Variants in KCNQ1 observed in about 807,000 individuals in gnomAD.
The protein encoded by KCNQ1 is potassium voltage-gated channel subfamily KQT member 1.
Under a neutral mutation model 72.4 loss-of-function variants are expected in KCNQ1, and 49 were observed. The observed-to-expected ratio is 0.68, with a 90% CI of 0.54 to 0.86. The LOEUF (loss-of-function observed/expected upper bound fraction) is 0.86, where lower values mean the gene tolerates loss of function less well. KCNQ1 is among the 40% of genes least tolerant of loss of function. The pLI is 0.00. For missense variants in KCNQ1, 790 were observed against 945.1 expected, an observed-to-expected ratio of 0.84 and a Z score of 2.15; for synonymous variants, 450 against 412.6, an observed-to-expected ratio of 1.09 and a Z score of -1.10.
At position 2,463,821 on chromosome 11, in the gene KCNQ1, G is replaced by A. The variant is rs999247729; in HGVS notation, c.386+18337G>A. Among the ~76,000 whole-genome samples the A allele has an allele frequency of 5.9e-5, 9 of 152,326 alleles. No individual in the cohort carries two copies. The highest frequency in any genetic ancestry group is 4.1e-4 in the South Asian group (2 of 4,832). On this transcript the variant is annotated intron_variant, in intron 1 of 15. Transcript: ENST00000155840. This position sits in a 1 kb window ranked among gnomAD's most constrained non-coding sequence, Gnocchi z 7.0. Reference sequence around the variant, plus strand: ...CCTGAAGCCGGATGGCCCGGCCCCCGCTACCACGTGGAGGCTCCCTGTAGG... The same window carrying A: ...CCTGAAGCCGGATGGCCCGGCCCCCACTACCACGTGGAGGCTCCCTGTAGG...
In KCNQ1 at chr11:2,477,134, A is replaced by T. The variant is rs1260184181; in HGVS notation, c.386+31650A>T. Among the ~76,000 whole-genome samples the T allele has an allele frequency of 6.6e-6, 1 of 152,208 alleles. No homozygotes were observed. The highest frequency in any genetic ancestry group is 2.4e-5 in the African/African-American group (1 of 41,440). ...CTCAGTATGTGTGAGATGAATCTGA[A>T]CCCTCATCAGAACGTCCACAGCTGA... On this transcript the variant is annotated intron_variant, in intron 1 of 15. Transcript: ENST00000155840. The surrounding 1 kb of genome is among the most constrained non-coding windows in gnomAD (Gnocchi z 5.0).
Position 2,674,832 on chromosome 11 carries a change from TAA to T in KCNQ1, c.1514+12778_1514+12779del, listed in dbSNP as rs34219164. 0.12 allele frequency: 32,554 copies of T among 278,006 alleles called. No individual in the cohort carries two copies. The highest frequency in any genetic ancestry group is 0.16 in the East Asian group (2,921 of 18,392). The allele number at this position is 278,006 out of a possible 1,614,324, so 17.2% of individuals were successfully genotyped here. ...GCTTGTCACCCTAATAGCTGTTTTT[TAA>T]AAAAAAAAAAAAAAAAAAAAAAAAA... On this transcript the variant is annotated intron_variant, in intron 11 of 15. Coordinates refer to ENST00000155840, the MANE Select transcript of KCNQ1 (RefSeq NM_000218.3). The surrounding 1 kb of genome is among the most constrained non-coding windows in gnomAD (Gnocchi z 5.9).
rs1445400723 is a variant in KCNQ1 at position 2,515,393 on chromosome 11, G to A, written c.387-12535G>A. Among the ~76,000 whole-genome samples the A allele has an allele frequency of 8.6e-6, 1 of 116,032 alleles. No individual in the cohort carries two copies. The highest frequency in any genetic ancestry group is 2.3e-5 in the Non-Finnish European group (1 of 43,508). 76.1% of individuals were successfully genotyped at this position (116,032 alleles called of 152,430 possible). On this transcript the variant is annotated intron_variant, in intron 1 of 15. Transcript: ENST00000155840. The surrounding 1 kb of genome is among the most constrained non-coding windows in gnomAD (Gnocchi z 4.7). Reference sequence around the variant, plus strand: ...GGAGGCTTTAACGCCTGCCCTGTGTGAGGGAGGGCGGAGCCCCTGGCCCAG... The same window carrying A: ...GGAGGCTTTAACGCCTGCCCTGTGTAAGGGAGGGCGGAGCCCCTGGCCCAG...
intron 11 of KCNQ1, among the ~76,000 whole-genome samples, chr11:2,718,421 G>T (rs1851136146): frequency 6.6e-6 from 1 of 152,196 alleles, no homozygotes; most frequent in Admixed American, 6.5e-5. Context: ...CGCAGCACCA[G>T]CCCCTCCCCG....
At chr11:2,512,816 C>T in intron 1 of KCNQ1, among the ~76,000 whole-genome samples, 1 of 152,244 alleles carries the variant, frequency 6.6e-6, no homozygotes, top group South Asian at 2.1e-4. Flanking sequence ...ACTGAGGAGG[C>T]ACCCCTAGCC....
chr11:2,503,773 A>G (rs1049389375), intron 1 of KCNQ1, among the ~76,000 whole-genome samples: 1 of 152,248 alleles, frequency 6.6e-6, no homozygotes, highest in Admixed American at 6.5e-5. Context: ...AATGAAAACT[A>G]TAATGAGATA....
chr11:2,732,840 G>A, intron 11 of KCNQ1, among the ~76,000 whole-genome samples: 1 of 152,030 alleles, frequency 6.6e-6, no homozygotes, highest in East Asian at 1.9e-4. Context: ...CCCAGGGAGG[G>A]GACCCCTGCC....
intron 6 of KCNQ1, among the ~76,000 whole-genome samples, chr11:2,573,908 C>G (rs1848378675): frequency 1.3e-5 from 2 of 151,458 alleles, no homozygotes; most frequent in African/African-American, 2.4e-5. Context: ...AGTCCCAAGT[C>G]ACTGGCCTGT....
intron 10 of KCNQ1, chr11:2,634,364 T>G: frequency 1.3e-5 from 3 of 228,216 alleles, no homozygotes; most frequent in South Asian, 2.3e-4. Context: ...GTGGGTGATG[T>G]TCCCCTTCCT....
At chr11:2,686,613 G>A (rs1464038498) in intron 11 of KCNQ1, 9 of 398,540 alleles carry the variant, frequency 2.3e-5, no homozygotes, top group African/African-American at 4.1e-5. Flanking sequence ...CTTTTCACAT[G>A]AGCGTGGCTG....
At chr11:2,587,765 G>A (rs1589968766) in intron 9 of KCNQ1, 73 bp downstream of exon 9, 22 of 1,601,904 alleles carry the variant, frequency 1.4e-5, no homozygotes, top group Middle Eastern at 1.7e-4. Context: ...GCCGCAGCAC[G>A]AGGCTGGGAT....
At chr11:2,638,362 C>T (rs1253331555) in intron 10 of KCNQ1, 3 of 152,170 alleles carry the variant, frequency 2.0e-5, no homozygotes, top group African/African-American at 7.2e-5. Context: ...TCTTGTAGGG[C>T]AGGCCTGGTG....
rs1564828451 is a variant in KCNQ1, at chr11:2,595,345, C to T, written c.1393+6491C>T. Among the ~76,000 whole-genome samples the T allele has an allele frequency of 6.6e-6, 1 of 152,000 alleles. No individual in the cohort carries two copies. The highest frequency in any genetic ancestry group is 6.6e-5 in the Admixed American group (1 of 15,250). ...TTCATATATTCTTGCAGCAAATAAC[C>T]AGAAATTGAGATTTTTAAAATACAG... On this transcript the variant is annotated intron_variant, in intron 10 of 15. Transcript: ENST00000155840. The surrounding 1 kb of genome is among the most constrained non-coding windows in gnomAD (Gnocchi z 5.0).
chr11:2,770,378 C>T (rs1283202901), intron 12 of KCNQ1, among the ~76,000 whole-genome samples: 13 of 152,226 alleles, frequency 8.5e-5, no homozygotes, highest in Non-Finnish European at 2.9e-5. Context: ...GGGCCTTGCC[C>T]CCAGCAACCC....
chr11:2,839,427 C>G (rs1441591373), intron 15 of KCNQ1, among the ~76,000 whole-genome samples: 1 of 152,262 alleles, frequency 6.6e-6, no homozygotes, highest in Non-Finnish European at 1.5e-5. Context: ...AGCTCTGGCT[C>G]TGGCACAAAC....
At position 2,446,003 on chromosome 11, in the gene KCNQ1, A is replaced by G. The variant is rs1846031376; in HGVS notation, c.386+519A>G. ...TGGCGGTGCTCCCTGAGGGCTCAGC[A>G]TGCCACGGGCCGTCCCCACGGGCCC... On this transcript the variant is annotated intron_variant, in intron 1 of 15. Coordinates refer to ENST00000155840, the MANE Select transcript of KCNQ1 (RefSeq NM_000218.3). The surrounding 1 kb of genome is among the most constrained non-coding windows in gnomAD (Gnocchi z 8.8). 6.6e-6 allele frequency among the ~76,000 whole-genome samples: 1 copy of G among 152,118 alleles called. No homozygotes were observed. Among genetic ancestry groups the G allele is most frequent in the Non-Finnish European group, 1.5e-5 (1 of 68,014 alleles).
At position 2,599,792 on chromosome 11, in the gene KCNQ1, C is replaced by A. The variant is rs879592093; in HGVS notation, c.1393+10938C>A. ...CCAAATATCCTTTTCTTTAAGGGCA[C>A]CAGTCACACTGGATTAGGGCCCACC... On this transcript the variant is annotated intron_variant, in intron 10 of 15. Coordinates refer to ENST00000155840, the MANE Select transcript of KCNQ1 (RefSeq NM_000218.3). This position sits in a 1 kb window ranked among gnomAD's most constrained non-coding sequence, Gnocchi z 4.7. Among the ~76,000 whole-genome samples the A allele has an allele frequency of 1.3e-5, 2 of 152,176 alleles. No homozygotes were observed. The highest frequency in any genetic ancestry group is 3.9e-4 in the East Asian group (2 of 5,194).
In KCNQ1 at chr11:2,544,400, ATG is replaced by A. The variant is rs200594638; in HGVS notation, c.477+16390_477+16391del. Among the ~76,000 whole-genome samples the A allele has an allele frequency of 0.012, 1,845 of 148,206 alleles. 42 individuals carry two copies. The highest frequency in any genetic ancestry group is 0.045 in the African/African-American group (1,786 of 39,928). ...TATATGTGTGCATATATGTGTATAT[ATG>A]TGTGTGTATATATATATATGGTTAC... On this transcript the variant is annotated intron_variant, in intron 2 of 15. Transcript: ENST00000155840. This position sits in a 1 kb window ranked among gnomAD's most constrained non-coding sequence, Gnocchi z 4.4.
rs1044382058 is a variant in KCNQ1 at position 2,762,806 on chromosome 11, C to A, written c.1515-6038C>A. Reference sequence around the variant, plus strand: ...GTTTCATCCTGAAACCATCTCCCCCCACCCCACCCCGTCCACGGAAAAAGT... The same window carrying A: ...GTTTCATCCTGAAACCATCTCCCCCAACCCCACCCCGTCCACGGAAAAAGT... On this transcript the variant is annotated intron_variant, in intron 11 of 15. Coordinates refer to ENST00000155840, the MANE Select transcript of KCNQ1 (RefSeq NM_000218.3). The surrounding 1 kb of genome is among the most constrained non-coding windows in gnomAD (Gnocchi z 4.3). Among the ~76,000 whole-genome samples the A allele has an allele frequency of 1.1e-4, 16 of 152,198 alleles. No homozygotes were observed. The highest frequency in any genetic ancestry group is 2.1e-4 in the Non-Finnish European group (14 of 68,034).
Sources: allele counts gnomAD v4.1 joint callset (sites outside exome capture counted in the v4.1 genomes callset), GRCh38; gene constraint gnomAD v4.1.1; non-coding constraint Gnocchi (gnomAD v3.1); transcripts MANE v1.5; gene names NCBI Gene and HGNC (gene_info 2026-07-23, HGNC 2026-07-21).